Variants in EIF4G3 observed in about 807,000 individuals in gnomAD.
The protein encoded by EIF4G3 is eIF-4-gamma 3.
A neutral mutation model predicts 186.4 loss-of-function variants in EIF4G3; 34 were observed. The ratio of observed to expected loss-of-function variants is 0.18; its 90% confidence interval spans 0.14 to 0.24. The LOEUF is 0.24. Among genes scored for constraint, EIF4G3 ranks in the 10% least tolerant of loss-of-function variants. The pLI is 1.00. For synonymous variants in EIF4G3, 673 were observed against 679.5 expected, an observed-to-expected ratio of 0.99 and a Z score of 0.15; for missense variants, 1,536 against 1,948.5, an observed-to-expected ratio of 0.79 and a Z score of 3.99.
intron 14 of EIF4G3, among the ~76,000 whole-genome samples, chr1:20,913,592 T>G (rs1016192067): frequency 1.3e-5 from 2 of 152,294 alleles, no homozygotes; most frequent in African/African-American, 4.8e-5. Context: ...AGCTTTCATG[T>G]TAAATATCAA....
At position 20,941,535 on chromosome 1, in the gene EIF4G3, A is replaced by T. The variant is rs1206948395; in HGVS notation, c.1619T>A (p.Ile540Asn). The change falls in exon 14 of 37, where the codon ATT becomes AAT. Residue 540 changes from isoleucine (I) to asparagine (N), a missense_variant. Physicochemically the swap from Ile to Asn is moderately radical, Grantham distance 149 (BLOSUM62 -3). Coordinates refer to ENST00000602326, the MANE Select transcript of EIF4G3 (RefSeq NM_001391906.1). ...EVEADGQTEE[I>N]LDSQNLNSRR... is the part of the protein sequence containing the mutation. ...TGAATTTAAGTTTTGAGAATCCAAAATCTCTTCTGTTTGCCCATCTGCTTC... is the reference window on the plus strand; with the variant it reads ...TGAATTTAAGTTTTGAGAATCCAAATTCTCTTCTGTTTGCCCATCTGCTTC... 2 of 1,612,258 alleles carry T rather than the reference A, an allele frequency of 1.2e-6. No individual in the cohort carries two copies. Among genetic ancestry groups the T allele is most frequent in the Non-Finnish European group, 1.7e-6 (2 of 1,179,400 alleles).
rs1216236244 is a variant in EIF4G3 at position 20,810,751 on chromosome 1, A to G, written c.4731T>C (p.Leu1577=). The change falls in exon 36 of 37, where the codon CTT becomes CTC. Residue 1577 remains leucine, a synonymous_variant. Transcript: ENST00000602326. This position sits in a 1 kb window ranked among gnomAD's most constrained non-coding sequence, Gnocchi z 4.1. ...AGATAAACTTACTGGCAGGTTGATC[A>G]AGTTTTACTATCGATGCTTGTAGTG... ...LYALQASIVK[L]DQPANLLRMF... 2 of 1,613,434 alleles carry G rather than the reference A, an allele frequency of 1.2e-6. No individual in the cohort carries two copies. The highest frequency in any genetic ancestry group is 1.7e-6 in the Non-Finnish European group (2 of 1,179,532).
intron 34 of EIF4G3, 48 bp from the exon 35 acceptor site, chr1:20,813,287 G>T: frequency 7.1e-7 from 1 of 1,405,380 alleles, no homozygotes; most frequent in Non-Finnish European, 1.0e-6. Context: ...TGCTCAGCCA[G>T]GCACAGAGGC....
intron 33 of EIF4G3, among the ~76,000 whole-genome samples, chr1:20,819,942 AAGAGAGAGAGACAG>A (rs755995886): frequency 6.6e-6 from 1 of 152,062 alleles, no homozygotes; most frequent in Non-Finnish European, 1.5e-5. Context: ...GACAGAAAGA[AAGAGAGAGAGACAG>A]AGAGAGAGAT....
Position 20,925,695 on chromosome 1 carries a change from G to A in EIF4G3, c.1663+15796C>T, listed in dbSNP as rs549928254. ...ACTACAGGCATGCGCCACCAAGCCT[G>A]GCTAATGTTTAAATTTTTTGTAGAG... On this transcript the variant is annotated intron_variant, in intron 14 of 36. Transcript: ENST00000602326. 6.2e-4 allele frequency among the ~76,000 whole-genome samples: 95 copies of A among 152,256 alleles called. 3 individuals carry two copies. The South Asian group carries it at 0.018, about 29-fold the overall frequency.
intron 16 of EIF4G3, among the ~76,000 whole-genome samples, chr1:20,897,670 C>T (rs2088761328): frequency 6.6e-6 from 1 of 151,962 alleles, no homozygotes; most frequent in African/African-American, 2.4e-5. Context: ...TGAGAATATT[C>T]CAAATGTTTT....
At chr1:20,854,560 C>T (rs1021359269) in intron 26 of EIF4G3, among the ~76,000 whole-genome samples, 3 of 149,056 alleles carry the variant, frequency 2.0e-5, no homozygotes, top group Non-Finnish European at 3.0e-5. Context: ...AAAAAATCAG[C>T]CAGGTGTGAT....
intron 3 of EIF4G3, among the ~76,000 whole-genome samples, chr1:21,088,596 C>T (rs1025553927): frequency 6.6e-6 from 1 of 151,708 alleles, no homozygotes; most frequent in African/African-American, 2.4e-5. Context: ...AAAAAGAATA[C>T]AAAGCTGCCT....
intron 3 of EIF4G3, among the ~76,000 whole-genome samples, chr1:21,055,778 A>G (rs1285050342): frequency 1.3e-5 from 2 of 152,164 alleles, no homozygotes; most frequent in Non-Finnish European, 2.9e-5. Flanking sequence ...TGAACTAAAT[A>G]CATAAAAAAT....
intron 32 of EIF4G3, 53 bp from the exon 33 acceptor site, chr1:20,825,251 GAAA>G (rs71585786): frequency 4.8e-3 from 1,107 of 229,774 alleles, no homozygotes; most frequent in Middle Eastern, 8.2e-3. Context: ...AGAAGAAACA[GAAA>G]AAAAAAAAAA....
rs1193601902 is a variant in EIF4G3 at position 21,173,137 on chromosome 1, CAAAAAAAAAAAAA to C, written c.-272+3025_-272+3037del. On this transcript the variant is annotated intron_variant, in intron 2 of 36. Coordinates refer to ENST00000602326, the MANE Select transcript of EIF4G3 (RefSeq NM_001391906.1). ...CTGGCAACAGAGCGAGACTCAATCT[CAAAAAAAAAAAAA>C]AAAAAAAAAAAAAAAGACGTGGGTT... is the stretch of plus-strand genomic sequence containing the variant. Among the ~76,000 whole-genome samples the C allele has an allele frequency of 5.3e-3, 155 of 29,194 alleles. 1 individual carries two copies. Among genetic ancestry groups the C allele is most frequent in the African/African-American group, 0.017 (148 of 8,754 alleles). The allele number at this position is 29,194 out of a possible 152,430, so 19.2% of individuals were successfully genotyped here. A position where few individuals can be genotyped will look rare whatever the true frequency, so the allele number is the denominator to read the frequency against.
intron 18 of EIF4G3, chr1:20,892,709 C>T: frequency 6.5e-7 from 1 of 1,535,914 alleles, no homozygotes; most frequent in Non-Finnish European, 8.7e-7. Context: ...GCAATCCATG[C>T]CTGCTCTGCA....
intron 2 of EIF4G3, among the ~76,000 whole-genome samples, chr1:21,129,818 G>A (rs2097121179): frequency 6.6e-6 from 1 of 152,028 alleles, no homozygotes; most frequent in Non-Finnish European, 1.5e-5. Context: ...CATTGGCAAG[G>A]GCAAGGGGTG....
At chr1:20,821,322 T>C (rs1246009537) in intron 33 of EIF4G3, among the ~76,000 whole-genome samples, 1 of 152,254 alleles carries the variant, frequency 6.6e-6, no homozygotes, top group African/African-American at 2.4e-5. Flanking sequence ...AATGGTGTGA[T>C]GCCAGTTTCC....
intron 2 of EIF4G3, chr1:21,111,604 T>G (rs2096727491): frequency 3.7e-6 from 1 of 270,186 alleles, no homozygotes; most frequent in Non-Finnish European, 7.4e-6. Flanking sequence ...CAATAAAATA[T>G]TATTACAAGG....
At chr1:21,161,291 G>A (rs1016560544) in intron 2 of EIF4G3, among the ~76,000 whole-genome samples, 4 of 151,890 alleles carry the variant, frequency 2.6e-5, no homozygotes, top group Admixed American at 2.6e-4. Context: ...ATCACCTCAG[G>A]TCAGGAGTTC....
At chr1:21,162,272 G>A (rs1362110252) in intron 2 of EIF4G3, among the ~76,000 whole-genome samples, 1 of 152,024 alleles carries the variant, frequency 6.6e-6, no homozygotes, top group Non-Finnish European at 1.5e-5. Context: ...CCAACATGGA[G>A]AAACCCCGTC....
At chr1:20,853,716 A>C in intron 26 of EIF4G3, 39 bp from the exon 27 acceptor site, 1 of 1,438,538 alleles carries the variant, frequency 7.0e-7, no homozygotes, top group Non-Finnish European at 9.8e-7. Flanking sequence ...TACAAATCAC[A>C]TGACTAAAAT....
At chr1:21,105,323 A>C (rs2096596262) in intron 2 of EIF4G3, among the ~76,000 whole-genome samples, 1 of 152,130 alleles carries the variant, frequency 6.6e-6, no homozygotes, top group Non-Finnish European at 1.5e-5. Flanking sequence ...CCAGCTACTC[A>C]GGTGGCTGAG....
Sources: allele counts gnomAD v4.1 joint callset (sites outside exome capture counted in the v4.1 genomes callset), GRCh38; gene constraint gnomAD v4.1.1; non-coding constraint Gnocchi (gnomAD v3.1); transcripts MANE v1.5; gene names NCBI Gene and HGNC (gene_info 2026-07-23, HGNC 2026-07-21).